SLC38A11: variants seen among roughly 807,000 people sequenced by gnomAD.
SLC38A11 encodes the protein putative sodium-coupled neutral amino acid transporter 11.
SLC38A11 carries 51 observed loss-of-function variants against 49.4 expected under a neutral mutation model. The observed-to-expected ratio is 1.03, with a 90% confidence interval of 0.83 to 1.30. The LOEUF is 1.30. Ranked by LOEUF, SLC38A11 falls within the 50% of genes most tolerant of loss-of-function variation. The pLI is 0.00. For synonymous variants in SLC38A11, 203 were observed against 192.9 expected (o/e 1.05, Z -0.43); for missense variants, 574 against 556.2 (o/e 1.03, Z -0.32).
intron 11 of SLC38A11, 23 bp downstream of exon 11, chr2:164,908,617 G>T: frequency 6.7e-7 from 1 of 1,481,790 alleles, no homozygotes; most frequent in South Asian, 1.4e-5. Flanking sequence ...AGAGTGAAGG[G>T]GTAAATCTTT....
rs1687448399 is a variant in SLC38A11, at chr2:164,937,434, A to T, written c.538-5T>A. On this transcript the variant is annotated splice_region_variant and splice_polypyrimidine_tract_variant and intron_variant, in intron 6 of 11. Transcript: ENST00000685975. Reference sequence around the variant, plus strand: ...ACCTGTAGAGATGAGGGAGACCTGTAAAAGAAAATACAAGGATATTGCCGG... The same window carrying T: ...ACCTGTAGAGATGAGGGAGACCTGTTAAAGAAAATACAAGGATATTGCCGG... The T allele has an allele frequency of 1.9e-6, 3 of 1,570,496 alleles. No individual in the cohort carries two copies. Among genetic ancestry groups the T allele is most frequent in the Non-Finnish European group, 2.6e-6 (3 of 1,142,196 alleles).
chr2:164,945,497 A>T, intron 4 of SLC38A11, 96 bp downstream of exon 4: 1 of 1,171,362 alleles, frequency 8.5e-7, no homozygotes, highest in Non-Finnish European at 1.2e-6. Context: ...CAACTGCTAT[A>T]GTGATATTCT....
intron 5 of SLC38A11, among the ~76,000 whole-genome samples, chr2:164,942,160 C>T (rs1687814660): frequency 6.6e-6 from 1 of 151,710 alleles, no homozygotes; most frequent in African/African-American, 2.4e-5. Flanking sequence ...TTTTGAAAAA[C>T]CTTGGAGGCC....
intron 7 of SLC38A11, among the ~76,000 whole-genome samples, chr2:164,920,953 A>G (rs909713165): frequency 6.6e-6 from 1 of 152,214 alleles, no homozygotes; most frequent in African/African-American, 2.4e-5. Context: ...AAAATGATCA[A>G]ATTCAAAAGC....
chr2:164,903,172 A>G (rs923605839), intron 11 of SLC38A11, among the ~76,000 whole-genome samples: 19 of 128,624 alleles, frequency 1.5e-4, no homozygotes, highest in African/African-American at 5.1e-4. Context: ...ACAAACAGTA[A>G]TTCAAATACA....
intron 3 of SLC38A11, among the ~76,000 whole-genome samples, 171 bp downstream of exon 3, chr2:164,952,535 AG>A (rs1237371947): frequency 1.3e-5 from 2 of 152,252 alleles, no homozygotes; most frequent in African/African-American, 4.8e-5. Context: ...TTAAAGGATT[AG>A]TAAGAAAAGT....
intron 7 of SLC38A11, among the ~76,000 whole-genome samples, chr2:164,936,888 T>A (rs1479747484): frequency 6.6e-6 from 1 of 152,188 alleles, no homozygotes; most frequent in Non-Finnish European, 1.5e-5. Flanking sequence ...TCAGTTTTTA[T>A]CCTTAGTTCA....
In SLC38A11 at chr2:164,915,952, C is replaced by T; in HGVS notation, c.639G>A (p.Trp213Ter). The T allele has an allele frequency of 6.3e-7, 1 of 1,594,976 alleles. No homozygotes were observed. Among genetic ancestry groups the T allele is most frequent in the Non-Finnish European group, 8.6e-7 (1 of 1,166,002 alleles). ...GAATGGCATTGGGCTTTGCAAATAC[C>T]CAAGCGTCTTCTGTTTTTGGTCTAG... ...GPHIPKTEDAWVFAKPNAIQA... is the reference protein window; with the variant it reads ...GPHIPKTEDA The change falls in exon 8 of 12, where the codon TGG (tryptophan) becomes TGA (stop). Residue 213 changes from tryptophan to a stop codon, truncating the protein, a stop_gained. Transcript: ENST00000685975. LOFTEE classifies it high-confidence loss of function.
intron 7 of SLC38A11, among the ~76,000 whole-genome samples, chr2:164,922,722 A>C (rs1287313981): frequency 1.3e-5 from 2 of 152,196 alleles, no homozygotes. Context: ...TTAGAAAAAA[A>C]CTATTATGAA....
intron 7 of SLC38A11, chr2:164,922,021 T>G (rs559501565): frequency 6.6e-6 from 1 of 152,174 alleles, no homozygotes; most frequent in Non-Finnish European, 1.5e-5. Flanking sequence ...CAGTTTGGAT[T>G]CTTGCATTCT....
rs78200471 is a variant in SLC38A11, at chr2:164,933,390, A to T, written c.617+3960T>A. Among the ~76,000 whole-genome samples the T allele has an allele frequency of 2.6e-3, 389 of 152,244 alleles. 3 individuals are homozygous for T. The East Asian group carries it at 0.03, about 12-fold the overall frequency. ...TTTTTAGAAAGCAAAAGGTTAGAAA[A>T]TACCATAAATCTGAACATAATTTCC... On this transcript the variant is annotated intron_variant, in intron 7 of 11. Transcript: ENST00000685975.
chr2:164,933,114 G>A (rs563526546), intron 7 of SLC38A11, among the ~76,000 whole-genome samples: 1 of 152,106 alleles, frequency 6.6e-6, no homozygotes, highest in East Asian at 1.9e-4. Context: ...ATTTTGTTTA[G>A]AATACCACAC....
At chr2:164,909,365 CATATTATG>C (rs1300971394) in intron 10 of SLC38A11, among the ~76,000 whole-genome samples, 6 of 151,930 alleles carry the variant, frequency 3.9e-5, no homozygotes, top group African/African-American at 1.5e-4. Flanking sequence ...TAATGTGTCC[CATATTATG>C]ATATGGTTTG....
intron 4 of SLC38A11, among the ~76,000 whole-genome samples, chr2:164,945,030 T>G (rs949485538): frequency 2.6e-5 from 4 of 152,192 alleles, no homozygotes; most frequent in African/African-American, 9.6e-5. Context: ...ATTAAAAAAG[T>G]AAGACTTTTT....
chr2:164,897,860 C>CG lies in SLC38A11; in HGVS notation c.*576_*577insC, dbSNP rs1173436100. On this transcript the variant is annotated 3_prime_UTR_variant, in exon 12 of 12. Coordinates refer to ENST00000685975, the MANE Select transcript of SLC38A11 (RefSeq NM_001351537.2). ...CTTTACACACCTTGCTCCTCACAGC[C>CG]AGTCTATGATTCAGGATTCCTCACA... The CG allele has an allele frequency of 1.3e-5, 2 of 152,294 alleles. No homozygotes were observed. The highest frequency in any genetic ancestry group is 2.9e-5 in the Non-Finnish European group (2 of 68,210). 9.4% of individuals were successfully genotyped at this position (152,294 alleles called of 1,614,324 possible).
chr2:164,946,071 T>G (rs1024560776), intron 3 of SLC38A11, among the ~76,000 whole-genome samples: 1 of 152,276 alleles, frequency 6.6e-6, no homozygotes, highest in East Asian at 1.9e-4. Context: ...TGAGGCTCAA[T>G]TGTCAAGGAA....
chr2:164,944,356 A>T (rs906980709), intron 5 of SLC38A11, among the ~76,000 whole-genome samples: 1 of 152,156 alleles, frequency 6.6e-6, no homozygotes, highest in African/African-American at 2.4e-5. Context: ...AATAGTAACA[A>T]CATTTTTTCA....
At chr2:164,903,490 T>C (rs1232949990) in intron 11 of SLC38A11, among the ~76,000 whole-genome samples, 3 of 152,210 alleles carry the variant, frequency 2.0e-5, no homozygotes, top group Non-Finnish European at 4.4e-5. Flanking sequence ...GTTGAGTATC[T>C]TGTTTAGATA....
At chr2:164,912,841 C>A (rs1685495020) in intron 9 of SLC38A11, among the ~76,000 whole-genome samples, 1 of 151,838 alleles carries the variant, frequency 6.6e-6, no homozygotes. Context: ...GCACAGATGT[C>A]ATGTCATCAA....
Sources: allele counts gnomAD v4.1 joint callset (sites outside exome capture counted in the v4.1 genomes callset), GRCh38; gene constraint gnomAD v4.1.1; transcripts MANE v1.5; gene names NCBI Gene and HGNC (gene_info 2026-07-23, HGNC 2026-07-21).